The following ELF5 variants were observed in gnomAD, a reference collection of about 807,000 sequenced individuals.
The protein encoded by ELF5 is E74 like ETS transcription factor 5, also known as ETS-related transcription factor Elf-5.
ELF5 carries 31 observed loss-of-function variants against 38.2 expected under a neutral mutation model. The observed-to-expected ratio is 0.81, with a 90% CI of 0.61 to 1.10. ELF5 has a LOEUF of 1.10. ELF5 is among the 50% of genes least tolerant of loss of function. The probability of loss-of-function intolerance (pLI) is 0.00; values close to 1 mark genes in which losing one functional copy is unlikely to be tolerated. For missense variants in ELF5, 300 were observed against 306.6 expected, an observed-to-expected ratio of 0.98 and a Z score of 0.16; for synonymous variants, 121 against 112.5, an observed-to-expected ratio of 1.08 and a Z score of -0.48.
At chr11:34,506,478 T>C (rs1169963798) in intron 1 of ELF5, among the ~76,000 whole-genome samples, 1 of 152,158 alleles carries the variant, frequency 6.6e-6, no homozygotes, top group Non-Finnish European at 1.5e-5. Context: ...ACATACCCCC[T>C]GAATCTAAAC....
At chr11:34,480,604 G>A (rs1159059057) in intron 6 of ELF5, among the ~76,000 whole-genome samples, 168 bp downstream of exon 6, 1 of 152,156 alleles carries the variant, frequency 6.6e-6, no homozygotes, top group African/African-American at 2.4e-5. Flanking sequence ...TAAGGACAGC[G>A]TGTCAATTTA....
chr11:34,483,891 A>G (rs916844289), intron 4 of ELF5, among the ~76,000 whole-genome samples: 1 of 151,704 alleles, frequency 6.6e-6, no homozygotes, highest in South Asian at 2.1e-4. Context: ...CTAACACCAT[A>G]CTACAGTGTA....
intron 1 of ELF5, among the ~76,000 whole-genome samples, chr11:34,506,692 T>G (rs1850621010): frequency 6.6e-6 from 1 of 152,052 alleles, no homozygotes; most frequent in Non-Finnish European, 1.5e-5. Flanking sequence ...TTTTGTATTT[T>G]TAGTAAAGAT....
intron 3 of ELF5, among the ~76,000 whole-genome samples, chr11:34,491,005 C>T (rs917117377): frequency 6.6e-6 from 1 of 152,110 alleles, no homozygotes; most frequent in African/African-American, 2.4e-5. Flanking sequence ...AATCCTACTG[C>T]AATACCTACC....
chr11:34,496,712 C>G (rs529323530), intron 2 of ELF5, among the ~76,000 whole-genome samples: 2 of 152,362 alleles, frequency 1.3e-5, no homozygotes, highest in South Asian at 4.1e-4. Context: ...GTGCTTGGAG[C>G]CTGGCCTAGC....
rs1164677415 is a variant in ELF5, at chr11:34,485,304, C to G, written c.407-2805G>C. Reference sequence around the variant, plus strand: ...GGTGTTCAATAGACATTTAATGAACCATTATTAGCTAAGATTTGTTGAGCA... The same window carrying G: ...GGTGTTCAATAGACATTTAATGAACGATTATTAGCTAAGATTTGTTGAGCA... On this transcript the variant is annotated intron_variant, in intron 4 of 6. Transcript: ENST00000257832. 2.0e-5 allele frequency among the ~76,000 whole-genome samples: 3 copies of G among 152,150 alleles called. No homozygotes were observed. In the East Asian group the frequency reaches 5.8e-4, roughly 29 times the overall value.
intron 4 of ELF5, among the ~76,000 whole-genome samples, chr11:34,486,061 G>GGAT (rs1259917967): frequency 6.6e-6 from 1 of 152,174 alleles, no homozygotes; most frequent in East Asian, 1.9e-4. Context: ...TGTGGCCAAA[G>GGAT]GATGTATCCT....
intron 4 of ELF5, among the ~76,000 whole-genome samples, chr11:34,488,605 A>G (rs1850072775): frequency 6.6e-6 from 1 of 152,236 alleles, no homozygotes; most frequent in African/African-American, 2.4e-5. Context: ...AGCACATTGA[A>G]TCTAACTGTG....
At position 34,478,795 on chromosome 11, in the gene ELF5, A is replaced by C. The variant is rs1856857716; in HGVS notation, c.*1423T>G. 1 of 152,712 alleles carries C rather than the reference A, an allele frequency of 6.5e-6. No homozygotes were observed. Among genetic ancestry groups the C allele is most frequent in the Admixed American group, 6.5e-5 (1 of 15,290 alleles). 9.5% of individuals were successfully genotyped at this position (152,712 alleles called of 1,614,324 possible). ...AATTGAATGATACACAGACAGTTGA[A>C]CATGTTAAATACTTTATTCACATTG... On this transcript the variant is annotated 3_prime_UTR_variant, in exon 7 of 7. Coordinates refer to ENST00000257832, the MANE Select transcript of ELF5 (RefSeq NM_001422.4).
At chr11:34,493,902 C>T (rs1254062507) in intron 2 of ELF5, among the ~76,000 whole-genome samples, 190 bp from the exon 3 acceptor site, 1 of 152,042 alleles carries the variant, frequency 6.6e-6, no homozygotes, top group East Asian at 1.9e-4. Context: ...GGACTGGATC[C>T]TACAGATGAA....
chr11:34,494,480 G>A (rs1260393107), intron 2 of ELF5, among the ~76,000 whole-genome samples: 2 of 152,310 alleles, frequency 1.3e-5, no homozygotes. Flanking sequence ...TGTTGTTCTT[G>A]TGTTTTTGGT....
rs917033185 is a variant in ELF5 at position 34,480,760 on chromosome 11, C to G, written c.671+12G>C. On this transcript the variant is annotated intron_variant, in intron 6 of 6. Coordinates refer to ENST00000257832, the MANE Select transcript of ELF5 (RefSeq NM_001422.4). ...TCTTGAAGGCTCATAGTATTTTATG[C>G]TATTAACTTACCTCAGGGCTCTGCT... The G allele has an allele frequency of 6.2e-7, 1 of 1,612,912 alleles. No homozygotes were observed. The highest frequency in any genetic ancestry group is 1.7e-5 in the Admixed American group (1 of 59,770).
At chr11:34,511,337 T>C (rs1309167351) in intron 1 of ELF5, among the ~76,000 whole-genome samples, 1 of 152,140 alleles carries the variant, frequency 6.6e-6, no homozygotes, top group Non-Finnish European at 1.5e-5. Context: ...AACTGGATAT[T>C]CTTTGCCCAG....
At chr11:34,481,055 C>T (rs1316607907) in intron 5 of ELF5, 88 bp from the exon 6 acceptor site, 2 of 1,093,022 alleles carry the variant, frequency 1.8e-6, no homozygotes, top group Non-Finnish European at 2.4e-6. Context: ...CAGAGTCTTG[C>T]TCTGTCGCCC....
intron 2 of ELF5, among the ~76,000 whole-genome samples, chr11:34,494,208 T>A (rs768854636): frequency 1.9e-4 from 29 of 152,176 alleles, no homozygotes; most frequent in Non-Finnish European, 3.8e-4. Flanking sequence ...GGTTAATGTA[T>A]GTAGAATGGC....
intron 2 of ELF5, among the ~76,000 whole-genome samples, chr11:34,494,434 T>C (rs1280947361): frequency 2.0e-5 from 3 of 152,206 alleles, no homozygotes; most frequent in Non-Finnish European, 4.4e-5. Flanking sequence ...AGTAGGCACC[T>C]CCAGAGGAAG....
At chr11:34,503,652 A>G (rs1002427233) in intron 2 of ELF5, among the ~76,000 whole-genome samples, 1 of 152,056 alleles carries the variant, frequency 6.6e-6, no homozygotes, top group Non-Finnish European at 1.5e-5. Flanking sequence ...AGGTCTCACT[A>G]TGTTGCCCAG....
At chr11:34,506,522 G>GT (rs1850617051) in intron 1 of ELF5, among the ~76,000 whole-genome samples, 2 of 151,980 alleles carry the variant, frequency 1.3e-5, no homozygotes, top group South Asian at 4.2e-4. Flanking sequence ...AAATAAAATT[G>GT]TTTTTTTTAA....
Position 34,479,998 on chromosome 11 carries a change from T to C in ELF5, c.*220A>G. On this transcript the variant is annotated 3_prime_UTR_variant, in exon 7 of 7. Transcript: ENST00000257832. ...GACACCACAAAAGATCATCCCCTCA[T>C]CCCCTTAGGGAGAAGAAAGGATTTC... 1 of 548,130 alleles carries C rather than the reference T, an allele frequency of 1.8e-6. No homozygotes were observed. Among genetic ancestry groups the C allele is most frequent in the East Asian group, 3.1e-5 (1 of 31,760 alleles). The allele number at this position is 548,130 out of a possible 1,614,324, so 34.0% of individuals were successfully genotyped here.
Sources: gnomAD v4.1 joint callset for allele counts (sites outside exome capture counted in the v4.1 genomes callset) on GRCh38, gnomAD v4.1.1 for gene constraint, MANE v1.5 for transcripts, NCBI Gene and HGNC (gene_info 2026-07-23, HGNC 2026-07-21) for gene names.